Variants in CSMD1 observed in about 807,000 individuals in gnomAD.
CSMD1 encodes CUB and Sushi multiple domains 1.
In CSMD1, 213 loss-of-function variants were observed where a neutral mutation model predicts 417.5. The observed-to-expected ratio is 0.51, with a 90% CI of 0.46 to 0.57. The LOEUF (loss-of-function observed/expected upper bound fraction) is 0.57. Ranked by LOEUF, CSMD1 falls within the 20% of genes least tolerant of loss-of-function variation. CSMD1 has a pLI of 0.00. For missense variants in CSMD1, 6,923 were observed against 4,529.7 expected (o/e 1.53, Z -15.17); for synonymous variants, 2,862 against 1,736.8 (o/e 1.65, Z -16.11).
intron 12 of CSMD1, among the ~76,000 whole-genome samples, chr8:3,449,545 T>G (rs530156749): frequency 2.0e-5 from 3 of 152,082 alleles, no homozygotes; most frequent in South Asian, 2.1e-4. Context: ...AAGATGGAGT[T>G]TCTCTCTTGT....
At chr8:4,388,284 G>C (rs1217413386) in intron 3 of CSMD1, among the ~76,000 whole-genome samples, 1 of 144,920 alleles carries the variant, frequency 6.9e-6, no homozygotes, top group African/African-American at 2.6e-5. Context: ...CATCAAACAA[G>C]TGGATAAAGA....
At position 3,301,061 on chromosome 8, in the gene CSMD1, T is replaced by A. The variant is rs555802372; in HGVS notation, c.3950+6634A>T. Among the ~76,000 whole-genome samples the A allele has an allele frequency of 1.5e-3, 223 of 150,266 alleles. 2 individuals are homozygous for A. The highest frequency in any genetic ancestry group is 5.3e-3 in the African/African-American group (217 of 40,970). On this transcript the variant is annotated intron_variant, in intron 25 of 69. Coordinates refer to ENST00000635120, the MANE Select transcript of CSMD1 (RefSeq NM_033225.6). The stretch of plus-strand genomic sequence containing the variant: ...TGGTACATGTCCACACCACACAATA[T>A]ACATTGATACGTATAAGACATTTGC...
At chr8:4,707,387 T>A (rs1260740428) in intron 1 of CSMD1, among the ~76,000 whole-genome samples, 3 of 152,152 alleles carry the variant, frequency 2.0e-5, no homozygotes, top group Non-Finnish European at 4.4e-5. Context: ...AAAGCATGTT[T>A]TTAATCGTGC....
At position 4,975,052 on chromosome 8, in the gene CSMD1, G is replaced by T. The variant is rs1584941045; in HGVS notation, c.85+19280C>A. ...AGGCATTCACATACAGCAGGCTGGGGAAAGAGGCTTCTCCCCAAAATCTGC... is the reference window on the plus strand; with the variant it reads ...AGGCATTCACATACAGCAGGCTGGGTAAAGAGGCTTCTCCCCAAAATCTGC... On this transcript the variant is annotated intron_variant, in intron 1 of 69. Transcript: ENST00000635120. Among the ~76,000 whole-genome samples the T allele has an allele frequency of 3.9e-5, 6 of 152,250 alleles. No homozygotes were observed. The South Asian group carries it at 1.2e-3, about 32-fold the overall frequency.
chr8:3,494,561 TAGATAGATAGATAGA>T (rs1390233250), intron 10 of CSMD1, among the ~76,000 whole-genome samples: 7 of 45,874 alleles, frequency 1.5e-4, no homozygotes, highest in African/African-American at 5.2e-4. Context: ...AGATGATAGA[TAGATAGATAGATAGA>T]TAGATAGATA....
intron 8 of CSMD1, among the ~76,000 whole-genome samples, chr8:3,589,972 T>A (rs976225822): frequency 1.4e-5 from 2 of 142,126 alleles, no homozygotes; most frequent in African/African-American, 5.2e-5. Context: ...TCTGGTGATA[T>A]TCTTCAGAAG....
chr8:3,395,564 G>A (rs1430870015), intron 17 of CSMD1, among the ~76,000 whole-genome samples: 2 of 152,172 alleles, frequency 1.3e-5, no homozygotes, highest in African/African-American at 4.8e-5. Flanking sequence ...CCATGTGGAA[G>A]TTTGGACTGT....
chr8:3,012,482 G>A (rs547778877), intron 52 of CSMD1, among the ~76,000 whole-genome samples: 23 of 152,230 alleles, frequency 1.5e-4, no homozygotes, highest in Admixed American at 1.3e-3. Flanking sequence ...GTCATGTTGC[G>A]ATGAAACTGA....
At chr8:4,625,795 C>G (rs1486400859) in intron 2 of CSMD1, among the ~76,000 whole-genome samples, 1 of 152,114 alleles carries the variant, frequency 6.6e-6, no homozygotes, top group African/African-American at 2.4e-5. Context: ...ATGATCTCAG[C>G]TCATTCCAAT....
At chr8:4,594,987 A>T (rs1267655825) in intron 2 of CSMD1, among the ~76,000 whole-genome samples, 1 of 152,230 alleles carries the variant, frequency 6.6e-6, no homozygotes, top group Non-Finnish European at 1.5e-5. Flanking sequence ...GAAATGAGAT[A>T]AAACTAATAA....
chr8:4,013,094 G>C (rs2740943), intron 4 of CSMD1, among the ~76,000 whole-genome samples: 1 of 151,770 alleles, frequency 6.6e-6, no homozygotes, highest in African/African-American at 2.4e-5. Flanking sequence ...CCTCTCAAAT[G>C]CTGTGTCACA....
At chr8:4,976,136 A>G (rs904763699) in intron 1 of CSMD1, among the ~76,000 whole-genome samples, 1 of 152,194 alleles carries the variant, frequency 6.6e-6, no homozygotes, top group African/African-American at 2.4e-5. Flanking sequence ...TAAGGGAAGA[A>G]CAGACACTGG....
intron 7 of CSMD1, among the ~76,000 whole-genome samples, chr8:3,666,895 A>G (rs1290821601): frequency 1.3e-5 from 2 of 152,172 alleles, no homozygotes; most frequent in Non-Finnish European, 2.9e-5. Flanking sequence ...ATGAAAATGA[A>G]CTATTACACC....
intron 5 of CSMD1, among the ~76,000 whole-genome samples, chr8:3,904,673 G>C (rs1271048391): frequency 8.5e-6 from 1 of 117,126 alleles, no homozygotes; most frequent in Non-Finnish European, 1.7e-5. Flanking sequence ...GTCTTACTCT[G>C]TCACCCCGGT....
chr8:3,680,328 G>T (rs1420716946), intron 7 of CSMD1, among the ~76,000 whole-genome samples: 1 of 152,078 alleles, frequency 6.6e-6, no homozygotes, highest in Non-Finnish European at 1.5e-5. Flanking sequence ...GAATCAAATA[G>T]ACGCAATAAA....
intron 3 of CSMD1, among the ~76,000 whole-genome samples, chr8:4,102,866 G>A (rs1484152915): frequency 1.3e-5 from 2 of 152,176 alleles, no homozygotes; most frequent in East Asian, 3.8e-4. Context: ...CTGAGAACCA[G>A]CGCCCTTACC....
At chr8:3,622,811 C>T (rs996864203) in intron 7 of CSMD1, among the ~76,000 whole-genome samples, 108 of 151,914 alleles carry the variant, frequency 7.1e-4, no homozygotes, top group Middle Eastern at 3.4e-3. Flanking sequence ...CACCATGAGT[C>T]ATTGATTCAT....
chr8:4,673,487 T>C (rs1420044854), intron 1 of CSMD1, among the ~76,000 whole-genome samples: 1 of 152,172 alleles, frequency 6.6e-6, no homozygotes, highest in East Asian at 1.9e-4. Flanking sequence ...CCTCAGGAAA[T>C]GATTGCTATG....
At chr8:3,648,842 TTA>T (rs1302281864) in intron 7 of CSMD1, among the ~76,000 whole-genome samples, 1 of 152,218 alleles carries the variant, frequency 6.6e-6, no homozygotes, top group Non-Finnish European at 1.5e-5. Flanking sequence ...CTGTCTTATG[TTA>T]TGTTGTTACC....
Sources: allele counts gnomAD v4.1 joint callset (sites outside exome capture counted in the v4.1 genomes callset), GRCh38; gene constraint gnomAD v4.1.1; transcripts MANE v1.5; gene names NCBI Gene and HGNC (gene_info 2026-07-23, HGNC 2026-07-21).